ZNF423: variants seen among roughly 807,000 people sequenced by gnomAD.
ZNF423 encodes the protein Ebf-associated zinc finger protein.
In ZNF423, 12 loss-of-function variants were observed where a neutral mutation model predicts 95.8. That is an observed-to-expected ratio of 0.13 (90% CI 0.08 to 0.20). ZNF423 has a LOEUF of 0.20. ZNF423 is among the 10% of genes least tolerant of loss of function. The pLI is 1.00. For missense variants in ZNF423, 1,316 were observed against 1,737.1 expected, an observed-to-expected ratio of 0.76 and a Z score of 4.31; for synonymous variants, 749 against 711.9, an observed-to-expected ratio of 1.05 and a Z score of -0.83.
intron 7 of ZNF423, among the ~76,000 whole-genome samples, chr16:49,501,437 A>G (rs930899475): frequency 6.6e-6 from 1 of 152,224 alleles, no homozygotes; most frequent in Non-Finnish European, 1.5e-5. Flanking sequence ...GGGAATGCAG[A>G]TTAGTTCAGA....
At chr16:49,844,205 C>T (rs2035220136) in intron 1 of ZNF423, among the ~76,000 whole-genome samples, 1 of 151,926 alleles carries the variant, frequency 6.6e-6, no homozygotes, top group African/African-American at 2.4e-5. Context: ...TAGCTTGAGC[C>T]CAGGAGTTTG....
intron 3 of ZNF423, among the ~76,000 whole-genome samples, chr16:49,685,865 G>A (rs560708396): frequency 1.7e-4 from 26 of 152,182 alleles, no homozygotes; most frequent in Admixed American, 3.9e-4. Context: ...CCGTACACAC[G>A]CTCTGCTGGC....
chr16:49,733,176 C>G (rs1007877136), intron 2 of ZNF423, among the ~76,000 whole-genome samples: 6 of 151,804 alleles, frequency 4.0e-5, no homozygotes, highest in African/African-American at 1.5e-4. Flanking sequence ...AGTCAAGTGC[C>G]CGTCTCCGAA....
intron 2 of ZNF423, among the ~76,000 whole-genome samples, chr16:49,752,172 C>T (rs988240904): frequency 1.3e-5 from 2 of 152,258 alleles, no homozygotes; most frequent in African/African-American, 4.8e-5. Flanking sequence ...ATGCGGGCCA[C>T]TGTGCCCGTG....
intron 7 of ZNF423, chr16:49,517,893 A>G: frequency 2.2e-6 from 1 of 447,718 alleles, no homozygotes; most frequent in Non-Finnish European, 4.4e-6. Flanking sequence ...TAACAATAGC[A>G]ATTAAAATGA....
At chr16:49,700,157 T>G (rs1258024727) in intron 3 of ZNF423, among the ~76,000 whole-genome samples, 6 of 125,686 alleles carry the variant, frequency 4.8e-5, no homozygotes, top group Non-Finnish European at 9.4e-5. Context: ...TTCTATTTCA[T>G]CGCTTTGAAA....
intron 3 of ZNF423, among the ~76,000 whole-genome samples, chr16:49,641,875 A>G (rs758387359): frequency 6.6e-6 from 1 of 152,228 alleles, no homozygotes; most frequent in Non-Finnish European, 1.5e-5. Context: ...TGCACAGGTG[A>G]CAGGGATCCT....
chr16:49,623,378 C>T (rs1972150580), intron 5 of ZNF423, among the ~76,000 whole-genome samples: 1 of 152,188 alleles, frequency 6.6e-6, no homozygotes. Context: ...AAGAGCAACC[C>T]CCTTGCCTTG....
At chr16:49,546,691 T>C (rs1309818787) in intron 5 of ZNF423, among the ~76,000 whole-genome samples, 3 of 152,198 alleles carry the variant, frequency 2.0e-5, no homozygotes, top group Non-Finnish European at 4.4e-5. Flanking sequence ...GGGCACAGAA[T>C]TAAACGCCAA....
intron 3 of ZNF423, among the ~76,000 whole-genome samples, chr16:49,689,813 TC>T (rs2031711583): frequency 6.6e-6 from 1 of 151,850 alleles, no homozygotes; most frequent in African/African-American, 2.4e-5. Flanking sequence ...TGGCTGTCCT[TC>T]CCCCGACCAA....
intron 1 of ZNF423, among the ~76,000 whole-genome samples, chr16:49,799,521 A>T (rs2034549437): frequency 6.6e-6 from 1 of 151,746 alleles, no homozygotes; most frequent in Non-Finnish European, 1.5e-5. Flanking sequence ...ATGTGGGACT[A>T]TTTGGAGGTG....
chr16:49,712,859 A>G (rs1223301186), intron 3 of ZNF423, among the ~76,000 whole-genome samples: 1 of 152,188 alleles, frequency 6.6e-6, no homozygotes, highest in East Asian at 1.9e-4. Context: ...TGACCTCTCC[A>G]CTGCCATTGT....
At chr16:49,585,525 G>C (rs560155629) in intron 5 of ZNF423, among the ~76,000 whole-genome samples, 1 of 152,370 alleles carries the variant, frequency 6.6e-6, no homozygotes, top group Admixed American at 6.5e-5. Flanking sequence ...TCATGTGTGA[G>C]ATGCATACTG....
intron 2 of ZNF423, among the ~76,000 whole-genome samples, chr16:49,736,357 G>A (rs2033286038): frequency 6.6e-6 from 1 of 152,134 alleles, no homozygotes; most frequent in Admixed American, 6.5e-5. Context: ...CAGCCAGGAG[G>A]AAGAGGGTAC....
intron 3 of ZNF423, among the ~76,000 whole-genome samples, chr16:49,675,012 C>T (rs1046117356): frequency 6.6e-6 from 1 of 152,162 alleles, no homozygotes; most frequent in African/African-American, 2.4e-5. Flanking sequence ...ACTGAACAGC[C>T]GCCCAGGGCA....
intron 3 of ZNF423, among the ~76,000 whole-genome samples, chr16:49,707,812 T>C (rs78515773): frequency 6.6e-6 from 1 of 152,094 alleles, no homozygotes; most frequent in Non-Finnish European, 1.5e-5. Context: ...TACTTACTTA[T>C]TTATTTATTT....
rs1972821808 is a variant in ZNF423 at position 49,638,142 on chromosome 16, C to G, written c.1034G>C (p.Gly345Ala). The G allele has an allele frequency of 4.3e-6, 7 of 1,611,438 alleles. No individual in the cohort carries two copies. The highest frequency in any genetic ancestry group is 1.3e-5 in the African/African-American group (1 of 74,890). ...GTGGCTGTCCAGGTGGCAGTAGACA[C>G]CTTCCACTGAGGAGAACTGCTCAGG... is the stretch of plus-strand genomic sequence containing the variant. The part of the protein sequence containing the change: ...MCPEQFSSVE[G>A]VYCHLDSHRQ... Residue 345 changes from glycine to alanine, a missense_variant, in exon 4 of 8, where the codon GGT becomes GCT. By Grantham distance (60) the Gly-to-Ala change is moderately conservative. This residue lies in a region of ZNF423 where 399 missense variants were observed against 478.5 expected (regional missense o/e 0.83). Transcript: ENST00000563137. The surrounding 1 kb of genome is among the most constrained non-coding windows in gnomAD (Gnocchi z 5.6).
intron 7 of ZNF423, among the ~76,000 whole-genome samples, chr16:49,523,192 G>T (rs1019768688): frequency 3.3e-5 from 5 of 152,122 alleles, no homozygotes; most frequent in Admixed American, 1.3e-4. Flanking sequence ...TTCTTTTCTG[G>T]CTTTTATGGA....
At chr16:49,833,133 C>T (rs549681649) in intron 1 of ZNF423, among the ~76,000 whole-genome samples, 8 of 152,368 alleles carry the variant, frequency 5.3e-5, no homozygotes, top group African/African-American at 1.9e-4. Flanking sequence ...CTGATTGGAA[C>T]TGGGGTCCAC....
Sources: gnomAD v4.1 joint callset for allele counts (sites outside exome capture counted in the v4.1 genomes callset) on GRCh38, gnomAD v4.1.1 for gene constraint, gnomAD v4.1.1 regional missense constraint, Gnocchi (gnomAD v3.1) non-coding constraint, MANE v1.5 for transcripts, NCBI Gene and HGNC (gene_info 2026-07-23, HGNC 2026-07-21) for gene names.